TBX22: variants seen among roughly 807,000 people sequenced by gnomAD.
The protein encoded by TBX22 is T-box transcription factor TBX22.
A neutral mutation model predicts 30.1 loss-of-function variants in TBX22; 8 were observed. The observed-to-expected ratio is 0.27, with a 90% CI of 0.16 to 0.48. TBX22 has a LOEUF of 0.48. TBX22 is among the 20% of genes least tolerant of loss of function. TBX22 has a pLI of 0.99. For synonymous variants in TBX22, 173 were observed against 149.1 expected (o/e 1.16, Z -1.17); for missense variants, 463 against 400.5 (o/e 1.16, Z -1.33).
chrX:80,028,711 T>A (rs900166011), intron 8 of TBX22, among the ~76,000 whole-genome samples: 2 of 112,126 alleles, frequency 1.8e-5, no homozygotes, highest in African/African-American at 6.5e-5. Flanking sequence ...TAGTTAATAA[T>A]AAATAGAATA....
chrX:80,016,296 T>C (rs970228437), intron 1 of TBX22, among the ~76,000 whole-genome samples: 1 of 111,637 alleles, frequency 9.0e-6, no homozygotes, highest in Non-Finnish European at 1.9e-5. Flanking sequence ...GTGGGCCCAA[T>C]GGAGTTCAGG....
Position 80,014,839 on chromosome X carries a change from G to A in TBX22, c.-51G>A, listed in dbSNP as rs1167183977. 1 of 112,029 alleles carries A rather than the reference G, an allele frequency of 8.9e-6. No individual in the cohort carries two copies. Among genetic ancestry groups the A allele is most frequent in the Non-Finnish European group, 1.9e-5 (1 of 53,266 alleles). 9.2% of individuals were successfully genotyped at this position (112,029 alleles called of 1,213,427 possible). A position where few individuals can be genotyped will look rare whatever the true frequency, so the allele number is the denominator to read the frequency against. On this transcript the variant is annotated 5_prime_UTR_variant, in exon 1 of 9. Transcript: ENST00000373296. ...CTGAGACTTGACTTCAGAACCACTG[G>A]GCTGGCCTGGCCTCTTGACACAGCA...
intron 7 of TBX22, 138 bp from the exon 8 acceptor site, chrX:80,027,853 A>G (rs1413768305): frequency 1.9e-6 from 1 of 526,647 alleles, no homozygotes; most frequent in Non-Finnish European, 3.2e-6. Context: ...GGTTTGACTG[A>G]ATTTTATTCA....
At chrX:80,023,409 G>A (rs1304765238) in intron 3 of TBX22, 169 bp downstream of exon 3, 3 of 486,732 alleles carry the variant, frequency 6.2e-6, no homozygotes, top group South Asian at 6.2e-5. Flanking sequence ...GATAGGGCTC[G>A]GACTTACCTG....
Position 80,027,285 on chromosome X carries a change from T to G in TBX22, c.828T>G (p.Pro276=), listed in dbSNP as rs751561175. The change falls in exon 7 of 9, where the codon CCT becomes CCG. Residue 276 remains proline, a synonymous_variant. Transcript: ENST00000373296. ...QITKLKIERN[P]FAKGFRDTGR... Reference sequence around the variant, plus strand: ...CGAAACTAAAAATAGAAAGAAATCCTTTTGCTAAAGGATTTAGAGATACTG... The same window carrying G: ...CGAAACTAAAAATAGAAAGAAATCCGTTTGCTAAAGGATTTAGAGATACTG... 3 of 1,117,586 alleles carry G rather than the reference T, an allele frequency of 2.7e-6. No individual in the cohort carries two copies. The highest frequency in any genetic ancestry group is 4.4e-5 in the Admixed American group (2 of 45,466). The allele number at this position is 1,117,586 out of a possible 1,213,427, so 92.1% of individuals were successfully genotyped here.
Position 80,022,340 on chromosome X carries a change from T to C in TBX22, c.71T>C (p.Leu24Pro), listed in dbSNP as rs1923747909. Residue 24 changes from leucine to proline, a missense_variant, in exon 2 of 9, where the codon CTC (leucine) becomes CCC (proline). Leu to Pro is a moderately conservative substitution (Grantham distance 98). Coordinates refer to ENST00000373296, the MANE Select transcript of TBX22 (RefSeq NM_001109878.2). ...GTGGGGAGACCCAGCAAAAGAAAAC[T>C]CCAAGACCCAATACAGGCGGAGCAG... ...ALVGRPSKRK[L>P]QDPIQAEQPE... 1 of 1,210,577 alleles carries C rather than the reference T, an allele frequency of 8.3e-7. No homozygotes were observed. Among genetic ancestry groups the C allele is most frequent in the Non-Finnish European group, 1.1e-6 (1 of 895,035 alleles).
Position 80,030,558 on chromosome X carries a change from CCTT to C in TBX22, c.1011_1013del (p.Leu339del), listed in dbSNP as rs1008504897. ...GGAGGGGCCCCCTCTCCTTTGAACT[CCTT>C]ACTTTCTCCACTTTGCTTTTCACCT... is the stretch of plus-strand genomic sequence containing the variant. On this transcript the variant is annotated inframe_deletion, in exon 9 of 9. Transcript: ENST00000373296. 8.3e-7 allele frequency: 1 copy of C among 1,209,573 alleles called. No individual in the cohort carries two copies. The highest frequency in any genetic ancestry group is 1.8e-5 in the African/African-American group (1 of 57,125).
chrX:80,022,620 C>A (rs769828268), intron 2 of TBX22, 176 bp downstream of exon 2: 27 of 497,707 alleles, frequency 5.4e-5, no homozygotes, highest in Admixed American at 5.3e-4. Context: ...ACAGCAGTTT[C>A]TTTGCGGTAA....
At chrX:80,016,792 G>C (rs1332514891) in intron 1 of TBX22, among the ~76,000 whole-genome samples, 1 of 110,371 alleles carries the variant, frequency 9.1e-6, no homozygotes, top group Non-Finnish European at 1.9e-5. Flanking sequence ...GATCACCTGA[G>C]GTCAGGAGTT....
chrX:80,031,268 T>C lies in TBX22; in HGVS notation c.*157T>C, dbSNP rs998614477. 7.7e-6 allele frequency: 4 copies of C among 521,408 alleles called. No individual in the cohort carries two copies. The East Asian group carries it at 1.5e-4, about 19-fold the overall frequency. The allele number at this position is 521,408 out of a possible 1,213,427, so 43.0% of individuals were successfully genotyped here. A position where few individuals can be genotyped will look rare whatever the true frequency, so the allele number is the denominator to read the frequency against. Reference sequence around the variant, plus strand: ...AGATTTAAAGTGCCTTATCAAATAATATTCATGAAGAGTTGTTTATAATGT... The same window carrying C: ...AGATTTAAAGTGCCTTATCAAATAACATTCATGAAGAGTTGTTTATAATGT... On this transcript the variant is annotated 3_prime_UTR_variant, in exon 9 of 9. Coordinates refer to ENST00000373296, the MANE Select transcript of TBX22 (RefSeq NM_001109878.2).
intron 7 of TBX22, among the ~76,000 whole-genome samples, chrX:80,027,766 T>G (rs950953729): frequency 8.9e-6 from 1 of 112,226 alleles, no homozygotes; most frequent in Admixed American, 9.4e-5. Context: ...GGAACCCAGA[T>G]GTTTTGTGTT....
In TBX22 at chrX:80,027,996, T is replaced by A. The variant is rs1602412351; in HGVS notation, c.869T>A (p.Val290Glu). 5.0e-6 allele frequency: 6 copies of A among 1,206,050 alleles called. No homozygotes were observed. In the African/African-American group the frequency reaches 6.9e-5, roughly 14 times the overall value. Reference sequence around the variant, plus strand: ...AAGTTGACTCTCTTTTTTAGGGGTGTATTGGATGGGCTTTTAGAGACCTAC... The same window carrying A: ...AAGTTGACTCTCTTTTTTAGGGGTGAATTGGATGGGCTTTTAGAGACCTAC... Reference protein sequence around the residue: ...GFRDTGRNRGVLDGLLETYPW... With the variant: ...GFRDTGRNRGELDGLLETYPW... The change falls in exon 8 of 9, where the codon GTA (valine) becomes GAA (glutamate). Residue 290 changes from valine to glutamate, a missense_variant. Physicochemically the swap from Val to Glu is moderately radical, Grantham distance 121 (BLOSUM62 -2). Transcript: ENST00000373296.
chrX:80,028,225 C>T (rs751443269), intron 8 of TBX22, 149 bp downstream of exon 8: 123 of 494,796 alleles, frequency 2.5e-4, no homozygotes, highest in Admixed American at 4.9e-4. Flanking sequence ...GCCTGAATGA[C>T]GAGGTAAGAG....
At position 80,023,155 on chromosome X, in the gene TBX22, G is replaced by T. The variant is rs764339429; in HGVS notation, c.271G>T (p.Asp91Tyr). The T allele has an allele frequency of 8.3e-7, 1 of 1,211,839 alleles. No homozygotes were observed. The highest frequency in any genetic ancestry group is 1.1e-6 in the Non-Finnish European group (1 of 895,355). ...GNSSESLEEK[D>Y]IQMELQGSEL... ...CAGCTCTGAAAGTCTGGAAGAGAAA[G>T]ATATTCAAATGGAGCTTCAAGGATC... The change falls in exon 3 of 9, where the codon GAT (aspartate) becomes TAT (tyrosine). Residue 91 changes from aspartate (D) to tyrosine (Y), a missense_variant. Transcript: ENST00000373296.
At chrX:80,022,523 C>T in intron 2 of TBX22, 79 bp downstream of exon 2, 2 of 1,007,860 alleles carry the variant, frequency 2.0e-6, no homozygotes, top group Non-Finnish European at 2.7e-6. Flanking sequence ...CGTCCCGACG[C>T]AGCCAGACAG....
At chrX:80,022,471 G>C (rs772915248) in intron 2 of TBX22, 27 bp downstream of exon 2, 2 of 1,157,255 alleles carry the variant, frequency 1.7e-6, no homozygotes, top group East Asian at 3.3e-5. Flanking sequence ...CCCTGAGCCC[G>C]TTGCCTGAGC....
At chrX:80,016,718 G>A (rs954803021) in intron 1 of TBX22, among the ~76,000 whole-genome samples, 1 of 111,555 alleles carries the variant, frequency 9.0e-6, no homozygotes, top group Non-Finnish European at 1.9e-5. Flanking sequence ...TAAAAAGGCA[G>A]CATGATGCCA....
chrX:80,017,005 C>CAAAAA lies in TBX22; in HGVS notation c.-3+2134_-3+2138dup, dbSNP rs1270817239. Among the ~76,000 whole-genome samples, 76 of 29,159 alleles carry CAAAAA rather than the reference C, an allele frequency of 2.6e-3. 1 individual carries two copies. Among genetic ancestry groups the CAAAAA allele is most frequent in the African/African-American group, 6.0e-3 (40 of 6,716 alleles). The allele number at this position is 29,159 out of a possible 115,157, so 25.3% of individuals were successfully genotyped here. On this transcript the variant is annotated intron_variant, in intron 1 of 8. Coordinates refer to ENST00000373296, the MANE Select transcript of TBX22 (RefSeq NM_001109878.2). Reference sequence around the variant, plus strand: ...TGGGCAACAGAGGGAGATTCTGTCTCAAAAAAAAAAAAAAAAAAAAGCATG... The same window carrying CAAAAA: ...TGGGCAACAGAGGGAGATTCTGTCTCAAAAAAAAAAAAAAAAAAAAAAAAAGCATG...
Position 80,030,944 on chromosome X carries a change from T to G in TBX22, c.1396T>G (p.Cys466Gly). Residue 466 changes from cysteine to glycine, a missense_variant, in exon 9 of 9, where the codon TGC becomes GGC. Transcript: ENST00000373296. ...PNSITPEALS[C>G]SFHPSYDFYR... Reference sequence around the variant, plus strand: ...CTCCATCACCCCAGAAGCACTTAGTTGCTCCTTTCATCCTTCCTATGACTT... The same window carrying G: ...CTCCATCACCCCAGAAGCACTTAGTGGCTCCTTTCATCCTTCCTATGACTT... 8.3e-6 allele frequency: 10 copies of G among 1,211,956 alleles called. No homozygotes were observed. Among genetic ancestry groups the G allele is most frequent in the Non-Finnish European group, 1.1e-5 (10 of 895,311 alleles).
Sources: allele counts gnomAD v4.1 joint callset (sites outside exome capture counted in the v4.1 genomes callset), GRCh38; gene constraint gnomAD v4.1.1; transcripts MANE v1.5; gene names NCBI Gene and HGNC (gene_info 2026-07-23, HGNC 2026-07-21).